The following SZT2 variants were observed in gnomAD, a reference collection of about 807,000 sequenced individuals.
SZT2 encodes the protein SZT2 subunit of KICSTOR complex.
In SZT2, 216 loss-of-function variants were observed where a neutral mutation model predicts 404.2. The ratio of observed to expected loss-of-function variants is 0.53; its 90% CI spans 0.48 to 0.60. The LOEUF (loss-of-function observed/expected upper bound fraction) is 0.60, where lower values mean the gene tolerates loss of function less well. Among genes scored for constraint, SZT2 ranks in the 20% least tolerant of loss-of-function variants. The pLI, the probability that SZT2 is intolerant of heterozygous loss-of-function variation, is 0.00. For synonymous variants in SZT2, 1,693 were observed against 1,749.9 expected (o/e 0.97, Z 0.81); for missense variants, 3,857 against 4,459.2 (o/e 0.86, Z 3.85).
intron 65 of SZT2, chr1:43,446,745 C>T: frequency 4.7e-6 from 3 of 633,958 alleles, no homozygotes; most frequent in South Asian, 3.9e-5. Context: ...GAAAATGGCC[C>T]TAGTTTCATG....
At chr1:43,396,840 TGTG>T (rs1649053745) in intron 1 of SZT2, among the ~76,000 whole-genome samples, 1 of 152,052 alleles carries the variant, frequency 6.6e-6, no homozygotes, top group East Asian at 1.9e-4. Flanking sequence ...CTAGTGAAAA[TGTG>T]GTAAAAACGA....
chr1:43,433,233 C>T, intron 40 of SZT2, 43 bp downstream of exon 40: 1 of 1,591,478 alleles, frequency 6.3e-7, no homozygotes. Context: ...TCCCATTAAC[C>T]TCTTCTCTCT....
Position 43,439,174 on chromosome 1 carries a change from C to T in SZT2, c.6792+81C>T. 1 of 1,590,764 alleles carries T rather than the reference C, an allele frequency of 6.3e-7. No individual in the cohort carries two copies. On this transcript the variant is annotated intron_variant, in intron 48 of 71. Coordinates refer to ENST00000634258, the MANE Select transcript of SZT2 (RefSeq NM_001365999.1). The surrounding 1 kb of genome is among the most constrained non-coding windows in gnomAD (Gnocchi z 4.2). ...CGCACTTACTCTTTCCTACCGATAC[C>T]CCTATATGTACCTTTGCCCATGGAC...
Position 43,451,668 on chromosome 1 carries a change from C to T in SZT2, c.*1188C>T, listed in dbSNP as rs773007194. On this transcript the variant is annotated 3_prime_UTR_variant, in exon 72 of 72. Transcript: ENST00000634258. ...CTCACCAACAATGGGCAGGAACTCC[C>T]GGATGTTTCCTGTCAGGTTCCCATC... 1.7e-5 allele frequency: 27 copies of T among 1,614,124 alleles called. No homozygotes were observed. The South Asian group carries it at 2.0e-4, about 12-fold the overall frequency.
Position 43,451,425 on chromosome 1 carries a change from C to G in SZT2, c.*945C>G, listed in dbSNP as rs1418492030. ...CACGCCTCACCTCGAGGCTGATACT[C>G]ACAGCCCACGAAGCCTTTGTAGCCT... On this transcript the variant is annotated 3_prime_UTR_variant, in exon 72 of 72. Coordinates refer to ENST00000634258, the MANE Select transcript of SZT2 (RefSeq NM_001365999.1). The G allele has an allele frequency of 3.1e-6, 5 of 1,613,098 alleles. No individual in the cohort carries two copies. The highest frequency in any genetic ancestry group is 4.2e-6 in the Non-Finnish European group (5 of 1,179,926).
At position 43,427,445 on chromosome 1, in the gene SZT2, G is replaced by A; in HGVS notation, c.3598G>A (p.Asp1200Asn). Residue 1200 changes from aspartate to asparagine, a missense_variant and splice_region_variant, in exon 25 of 72, where the codon GAC becomes AAC. Physicochemically the swap from Asp to Asn is conservative, Grantham distance 23. Coordinates refer to ENST00000634258, the MANE Select transcript of SZT2 (RefSeq NM_001365999.1). ...TGTCCTCAGTGTGACCCTGGCTAGT[G>A]GTAAGGCTGCCGACTCAAGGTGGGC... ...VPVLSVTLASDNAQNQGELSP... is the reference protein window; with the variant it reads ...VPVLSVTLASNNAQNQGELSP... 6.2e-7 allele frequency: 1 copy of A among 1,611,990 alleles called. No homozygotes were observed. The highest frequency in any genetic ancestry group is 8.5e-7 in the Non-Finnish European group (1 of 1,178,262).
At position 43,441,016 on chromosome 1, in the gene SZT2, G is replaced by A. The variant is rs1208126761; in HGVS notation, c.7345-198G>A. On this transcript the variant is annotated intron_variant, in intron 52 of 71. Coordinates refer to ENST00000634258, the MANE Select transcript of SZT2 (RefSeq NM_001365999.1). The surrounding 1 kb of genome is among the most constrained non-coding windows in gnomAD (Gnocchi z 4.8). ...ATCCTCACAACAGCTTGCAAGATAA[G>A]TAGAGCTTTTACAGTGAGGAAGGTG... 6.6e-6 allele frequency among the ~76,000 whole-genome samples: 1 copy of A among 152,218 alleles called. No homozygotes were observed. The highest frequency in any genetic ancestry group is 1.5e-5 in the Non-Finnish European group (1 of 68,046).
Position 43,419,778 on chromosome 1 carries a change from C to T in SZT2, c.924C>T (p.Pro308=). The T allele has an allele frequency of 6.3e-7, 1 of 1,598,420 alleles. No homozygotes were observed. The change falls in exon 8 of 72, where the codon CCC becomes CCT. Residue 308 remains proline (P), a synonymous_variant. Transcript: ENST00000634258. ...YSYDCSFGHV[P]NVELMKFIAM... ...ATGACTGCAGTTTTGGCCATGTGCC[C>T]AATGTGGAATTAATGAAGTTCATCG...
chr1:43,403,520 A>G, intron 2 of SZT2, 81 bp from the exon 3 acceptor site: 7 of 1,493,526 alleles, frequency 4.7e-6, no homozygotes, highest in Non-Finnish European at 6.4e-6. Flanking sequence ...ATGATGTGTC[A>G]TTTGGGATAT....
In SZT2 at chr1:43,442,668, T is replaced by C; in HGVS notation, c.8151+50T>C. 1 of 1,545,198 alleles carries C rather than the reference T, an allele frequency of 6.5e-7. No homozygotes were observed. ...ATAGTTTTGGCTACTGAGGGGTCAG[T>C]TAAAGGAAAAACCAGCTCAGAAGCC... On this transcript the variant is annotated intron_variant, in intron 58 of 71. Coordinates refer to ENST00000634258, the MANE Select transcript of SZT2 (RefSeq NM_001365999.1). This position sits in a 1 kb window ranked among gnomAD's most constrained non-coding sequence, Gnocchi z 4.5.
chr1:43,426,993 G>C lies in SZT2; in HGVS notation c.3310-63G>C. 6.2e-7 allele frequency: 1 copy of C among 1,602,340 alleles called. No homozygotes were observed. The highest frequency in any genetic ancestry group is 8.5e-7 in the Non-Finnish European group (1 of 1,172,114). On this transcript the variant is annotated intron_variant, in intron 23 of 71. Transcript: ENST00000634258. The surrounding 1 kb of genome is among the most constrained non-coding windows in gnomAD (Gnocchi z 4.9). Reference sequence around the variant, plus strand: ...TAAGATGAGTCAGCTCTAGGGTGGAGGAGGGGAACAGGGGTTGGACATTCC... The same window carrying C: ...TAAGATGAGTCAGCTCTAGGGTGGACGAGGGGAACAGGGGTTGGACATTCC...
intron 41 of SZT2, 137 bp from the exon 42 acceptor site, chr1:43,435,063 G>A: frequency 9.6e-7 from 1 of 1,044,444 alleles, no homozygotes; most frequent in Admixed American, 2.3e-5. Flanking sequence ...TGACCTCTCT[G>A]TGATGACTGA....
chr1:43,419,514 A>G (rs886100778), intron 7 of SZT2, among the ~76,000 whole-genome samples: 9 of 152,204 alleles, frequency 5.9e-5, no homozygotes, highest in African/African-American at 2.2e-4. Flanking sequence ...TCGAGGAGGA[A>G]GCAAAGAGGA....
At chr1:43,395,384 A>G (rs548365917) in intron 1 of SZT2, among the ~76,000 whole-genome samples, 1 of 152,074 alleles carries the variant, frequency 6.6e-6, no homozygotes, top group East Asian at 1.9e-4. Flanking sequence ...TGAAGCCTCA[A>G]CCTCCCTGGG....
In SZT2 at chr1:43,426,840, G is replaced by A. The variant is rs1345993203; in HGVS notation, c.3309+31G>A. 6.2e-7 allele frequency: 1 copy of A among 1,605,900 alleles called. No individual in the cohort carries two copies. The highest frequency in any genetic ancestry group is 2.2e-5 in the East Asian group (1 of 44,780). ...CACCGATTCTTCTCCCTGAGCCCTT[G>A]TCACACTGACCTCCTTCCAGCACCA... On this transcript the variant is annotated intron_variant, in intron 23 of 71. Coordinates refer to ENST00000634258, the MANE Select transcript of SZT2 (RefSeq NM_001365999.1). This position sits in a 1 kb window ranked among gnomAD's most constrained non-coding sequence, Gnocchi z 4.9.
intron 11 of SZT2, among the ~76,000 whole-genome samples, chr1:43,421,797 A>T (rs1233443614): frequency 1.3e-5 from 2 of 152,232 alleles, no homozygotes; most frequent in Non-Finnish European, 2.9e-5. Context: ...TCCTGCCACC[A>T]TTTAGGGGCT....
Position 43,420,236 on chromosome 1 carries a change from GAGA to G in SZT2, c.1177_1179del (p.Lys393del), listed in dbSNP as rs1417362089. ...GGCCTTGCGCCGGAAGAAGCACACT[GAGA>G]AGGAGGTGCCAGCCGACTTGGTCAG... On this transcript the variant is annotated inframe_deletion, in exon 9 of 72. Coordinates refer to ENST00000634258, the MANE Select transcript of SZT2 (RefSeq NM_001365999.1). The surrounding 1 kb of genome is among the most constrained non-coding windows in gnomAD (Gnocchi z 5.1). 6.3e-7 allele frequency: 1 copy of G among 1,598,454 alleles called. No homozygotes were observed. Among genetic ancestry groups the G allele is most frequent in the Admixed American group, 1.7e-5 (1 of 60,018 alleles).
Position 43,425,107 on chromosome 1 carries a change from C to G in SZT2, c.2551-6C>G, listed in dbSNP as rs756453735. 2.8e-5 allele frequency: 45 copies of G among 1,614,148 alleles called. No individual in the cohort carries two copies. The highest frequency in any genetic ancestry group is 3.6e-5 in the Non-Finnish European group (43 of 1,179,984). ...ATTTGCCCAAGATCTCCCATTTTGC[C>G]CACAGAATGAACCACCAGGGCAGGC... is the stretch of plus-strand genomic sequence containing the variant. On this transcript the variant is annotated splice_region_variant and splice_polypyrimidine_tract_variant and intron_variant, in intron 17 of 71. Coordinates refer to ENST00000634258, the MANE Select transcript of SZT2 (RefSeq NM_001365999.1). The surrounding 1 kb of genome is among the most constrained non-coding windows in gnomAD (Gnocchi z 4.3).
intron 27 of SZT2, 31 bp from the exon 28 acceptor site, chr1:43,428,209 C>T (rs768973230): frequency 2.4e-5 from 39 of 1,613,700 alleles, no homozygotes; most frequent in Non-Finnish European, 3.2e-5. Flanking sequence ...TTCCAGAGCT[C>T]AAGCCTCATG....
Sources: allele counts gnomAD v4.1 joint callset (sites outside exome capture counted in the v4.1 genomes callset), GRCh38; gene constraint gnomAD v4.1.1; non-coding constraint Gnocchi (gnomAD v3.1); transcripts MANE v1.5; gene names NCBI Gene and HGNC (gene_info 2026-07-23, HGNC 2026-07-21).